The following RRP15 variants were observed in gnomAD, a reference collection of about 807,000 sequenced individuals.
The protein encoded by RRP15 is ribosomal RNA processing 15 homolog, also known as RRP15-like protein.
Under a neutral mutation model 27.1 loss-of-function variants are expected in RRP15, and 18 were observed. The observed-to-expected ratio is 0.66, with a 90% CI of 0.46 to 0.98. The LOEUF is 0.98. Among genes scored for constraint, RRP15 ranks in the 50% least tolerant of loss-of-function variants. The pLI, the probability that RRP15 is intolerant of heterozygous loss-of-function variation, is 0.00. For synonymous variants in RRP15, 107 were observed against 109.4 expected, an observed-to-expected ratio of 0.98 and a Z score of 0.14; for missense variants, 359 against 337.8, an observed-to-expected ratio of 1.06 and a Z score of -0.49.
chr1:218,307,469 A>G lies in RRP15; in HGVS notation c.542A>G (p.Gln181Arg). The stretch of plus-strand genomic sequence containing the variant: ...TTATTTAATGCTGTTCAGAAACATC[A>G]AAAGAATGTTGATGAAAAGGTTAAG... ...VQLFNAVQKH[Q>R]KNVDEKVKEA... is the part of the protein sequence containing the mutation. Residue 181 changes from glutamine (Q) to arginine (R), a missense_variant, in exon 4 of 5, where the codon CAA becomes CGA. Physicochemically the swap from Gln to Arg is conservative, Grantham distance 43. Transcript: ENST00000366932. 1 of 1,613,994 alleles carries G rather than the reference A, an allele frequency of 6.2e-7. No homozygotes were observed.
At chr1:218,330,837 A>T in intron 4 of RRP15, 111 bp from the exon 5 acceptor site, 1 of 758,482 alleles carries the variant, frequency 1.3e-6, no homozygotes, top group Non-Finnish European at 2.2e-6. Context: ...TCTTGGTTTT[A>T]CCCCTATTTT....
At chr1:218,287,777 C>CT (rs1301991103) in intron 1 of RRP15, among the ~76,000 whole-genome samples, 2 of 152,094 alleles carry the variant, frequency 1.3e-5, no homozygotes, top group African/African-American at 4.8e-5. Flanking sequence ...GAGATAAGTT[C>CT]CCCAAATGTC....
At chr1:218,287,060 C>G (rs535060651) in intron 1 of RRP15, among the ~76,000 whole-genome samples, 9 of 152,066 alleles carry the variant, frequency 5.9e-5, no homozygotes, top group Admixed American at 3.9e-4. Context: ...CCACCGCCCC[C>G]CAAAGCGATC....
At chr1:218,325,022 A>ATTT (rs1024538166) in intron 4 of RRP15, among the ~76,000 whole-genome samples, 56 of 152,072 alleles carry the variant, frequency 3.7e-4, no homozygotes, top group Admixed American at 2.8e-3. Context: ...TGGGACTTAA[A>ATTT]TTTTCTTTGA....
At chr1:218,313,076 C>T (rs1432699644) in intron 4 of RRP15, among the ~76,000 whole-genome samples, 2 of 152,164 alleles carry the variant, frequency 1.3e-5, no homozygotes, top group Non-Finnish European at 2.9e-5. Flanking sequence ...TGATTTATTT[C>T]AGCTTTTATT....
rs753178152 is a variant in RRP15 at position 218,318,753 on chromosome 1, T to A, written c.705+11121T>A. Among the ~76,000 whole-genome samples, 16 of 152,162 alleles carry A rather than the reference T, an allele frequency of 1.1e-4. No homozygotes were observed. The South Asian group carries it at 1.9e-3, about 18-fold the overall frequency. On this transcript the variant is annotated intron_variant, in intron 4 of 4. Coordinates refer to ENST00000366932, the MANE Select transcript of RRP15 (RefSeq NM_016052.4). ...AGTGATAATAAATACTTTTTTTTTT[T>A]TTATTAAAGGTGCACCCTCCCCACC...
chr1:218,292,664 C>T (rs1254234505), intron 1 of RRP15, among the ~76,000 whole-genome samples: 2 of 152,224 alleles, frequency 1.3e-5, no homozygotes, highest in Admixed American at 6.5e-5. Flanking sequence ...CCACAAATAA[C>T]AGTGATTGAC....
chr1:218,320,800 T>C (rs1656176129), intron 4 of RRP15, among the ~76,000 whole-genome samples: 1 of 152,150 alleles, frequency 6.6e-6, no homozygotes, highest in African/African-American at 2.4e-5. Flanking sequence ...ATAAAGTATG[T>C]TTTTAACTAC....
At chr1:218,301,648 C>G (rs1571796782) in intron 1 of RRP15, 5 of 152,224 alleles carry the variant, frequency 3.3e-5, no homozygotes, top group Admixed American at 3.3e-4. Flanking sequence ...TATTTTCATT[C>G]AGTCACTCAG....
chr1:218,324,738 A>T (rs557342649), intron 4 of RRP15, among the ~76,000 whole-genome samples: 2 of 152,386 alleles, frequency 1.3e-5, no homozygotes, highest in Non-Finnish European at 2.9e-5. Flanking sequence ...TATAGTTGTC[A>T]GTATTCAGCA....
At chr1:218,298,241 A>G (rs937514692) in intron 1 of RRP15, among the ~76,000 whole-genome samples, 3 of 152,076 alleles carry the variant, frequency 2.0e-5, no homozygotes, top group Non-Finnish European at 4.4e-5. Flanking sequence ...TTGTCATTCA[A>G]ATTCTTGCAT....
chr1:218,289,735 T>G (rs1200753292), intron 1 of RRP15, among the ~76,000 whole-genome samples: 1 of 152,170 alleles, frequency 6.6e-6, no homozygotes, highest in African/African-American at 2.4e-5. Context: ...CAGGCTGGAG[T>G]GCAATGGTAT....
intron 4 of RRP15, among the ~76,000 whole-genome samples, chr1:218,325,319 T>C (rs1047011754): frequency 6.6e-6 from 1 of 152,216 alleles, no homozygotes; most frequent in African/African-American, 2.4e-5. Context: ...GTGGGACTCC[T>C]ATTTTCTCTA....
At chr1:218,293,201 T>C (rs1160776398) in intron 1 of RRP15, among the ~76,000 whole-genome samples, 1 of 152,112 alleles carries the variant, frequency 6.6e-6, no homozygotes, top group African/African-American at 2.4e-5. Context: ...AAGAGTCCTT[T>C]ATTTAATACA....
chr1:218,293,053 T>A (rs951793108), intron 1 of RRP15, among the ~76,000 whole-genome samples: 6 of 151,716 alleles, frequency 4.0e-5, no homozygotes, highest in African/African-American at 1.5e-4. Context: ...AGACAGGGTC[T>A]TGGTATGTTG....
chr1:218,292,736 T>G (rs1354114145), intron 1 of RRP15, among the ~76,000 whole-genome samples: 1 of 152,256 alleles, frequency 6.6e-6, no homozygotes, highest in Non-Finnish European at 1.5e-5. Context: ...ATCTGACCAC[T>G]GCTTGCCTCT....
At chr1:218,324,312 T>G (rs1337909307) in intron 4 of RRP15, among the ~76,000 whole-genome samples, 1 of 152,166 alleles carries the variant, frequency 6.6e-6, no homozygotes, top group Non-Finnish European at 1.5e-5. Flanking sequence ...GGCTGGCCCC[T>G]TGAGTCTTGC....
Position 218,337,942 on chromosome 1 carries a change from C to G in RRP15, c.*6851C>G, listed in dbSNP as rs1035189694. 1 of 152,026 alleles carries G rather than the reference C, an allele frequency of 6.6e-6. No homozygotes were observed. Among genetic ancestry groups the G allele is most frequent in the Non-Finnish European group, 1.5e-5 (1 of 67,988 alleles). The allele number at this position is 152,026 out of a possible 1,614,324, so 9.4% of individuals were successfully genotyped here. On this transcript the variant is annotated 3_prime_UTR_variant, in exon 5 of 5. Transcript: ENST00000366932. ...TCCCTTTCCATGTGTCCACTGTTTC[C>G]TTGTGCCTTTTGATTAATAAAACTT...
chr1:218,312,425 A>G (rs566368454), intron 4 of RRP15, among the ~76,000 whole-genome samples: 2 of 151,590 alleles, frequency 1.3e-5, no homozygotes, highest in African/African-American at 4.8e-5. Flanking sequence ...ATTTTATTTT[A>G]TTTATATTTT....
Sources: gnomAD v4.1 joint callset for allele counts (sites outside exome capture counted in the v4.1 genomes callset) on GRCh38, gnomAD v4.1.1 for gene constraint, MANE v1.5 for transcripts, NCBI Gene and HGNC (gene_info 2026-07-23, HGNC 2026-07-21) for gene names.